PIAS4: variants seen among roughly 807,000 people sequenced by gnomAD.
PIAS4 encodes E3 SUMO-protein ligase PIAS4.
In PIAS4, 7 loss-of-function variants were observed where a neutral mutation model predicts 58.0. The observed-to-expected ratio is 0.12, with a 90% confidence interval of 0.07 to 0.23. The LOEUF (loss-of-function observed/expected upper bound fraction) is 0.23. Among genes scored for constraint, PIAS4 ranks in the 10% least tolerant of loss-of-function variants. The pLI, the probability that PIAS4 is intolerant of heterozygous loss-of-function variation, is 1.00. For missense variants in PIAS4, 550 were observed against 709.5 expected, an observed-to-expected ratio of 0.78 and a Z score of 2.55; for synonymous variants, 364 against 312.4, an observed-to-expected ratio of 1.17 and a Z score of -1.74.
intron 2 of PIAS4, among the ~76,000 whole-genome samples, chr19:4,022,938 G>A (rs1259141640): frequency 2.6e-5 from 4 of 151,512 alleles, no homozygotes; most frequent in East Asian, 3.9e-4. Flanking sequence ...TTGGGAGGCC[G>A]AGGTGGGCAG....
chr19:4,039,370 A>T lies in PIAS4; in HGVS notation c.*1495A>T, dbSNP rs1001978975. ...TGTTTTTAAAAAATGCAAATAAAAAAGGTCGAGGTGAAGCCATCCAGGCGT... is the reference window on the plus strand; with the variant it reads ...TGTTTTTAAAAAATGCAAATAAAAATGGTCGAGGTGAAGCCATCCAGGCGT... On this transcript the variant is annotated 3_prime_UTR_variant, in exon 11 of 11. Transcript: ENST00000262971. 4 of 152,250 alleles carry T rather than the reference A, an allele frequency of 2.6e-5. No homozygotes were observed. Among genetic ancestry groups the T allele is most frequent in the African/African-American group, 9.6e-5 (4 of 41,466 alleles). 9.4% of individuals were successfully genotyped at this position (152,250 alleles called of 1,614,324 possible).
Position 4,033,508 on chromosome 19 carries a change from A to G in PIAS4, c.1070A>G (p.Asn357Ser). The G allele has an allele frequency of 6.2e-7, 1 of 1,603,644 alleles. No individual in the cohort carries two copies. Among genetic ancestry groups the G allele is most frequent in the Non-Finnish European group, 8.5e-7 (1 of 1,176,206 alleles). Reference sequence around the variant, plus strand: ...GACGCCGTCTTCTACCTGCAGATGAACGAGAAGAAGCCCACCTGGATGTGC... The same window carrying G: ...GACGCCGTCTTCTACCTGCAGATGAGCGAGAAGAAGCCCACCTGGATGTGC... ...CFDAVFYLQMNEKKPTWMCPV... is the reference protein window; with the variant it reads ...CFDAVFYLQMSEKKPTWMCPV... The change falls in exon 9 of 11, where the codon AAC becomes AGC. Residue 357 changes from asparagine (N) to serine (S), a missense_variant. This residue lies in a region of PIAS4 where 225 missense variants were observed against 345.8 expected (regional missense o/e 0.65). Transcript: ENST00000262971.
At chr19:4,035,779 TAC>T (rs2040269482) in intron 9 of PIAS4, among the ~76,000 whole-genome samples, 1 of 141,772 alleles carries the variant, frequency 7.1e-6, no homozygotes, top group African/African-American at 2.7e-5. Flanking sequence ...CACACATCCA[TAC>T]AGTCCATACC....
At chr19:4,012,011 T>A (rs1210754589) in intron 1 of PIAS4, among the ~76,000 whole-genome samples, 1 of 55,510 alleles carries the variant, frequency 1.8e-5, no homozygotes, top group African/African-American at 7.5e-5. Context: ...TGGAGGTGTG[T>A]GGGGTGTGGA....
chr19:4,033,786 G>A (rs1245864024), intron 9 of PIAS4, among the ~76,000 whole-genome samples: 3 of 152,330 alleles, frequency 2.0e-5, no homozygotes, highest in Non-Finnish European at 4.4e-5. Context: ...GCAGGTGACA[G>A]CCACGTAGCT....
At chr19:4,030,978 C>A (rs1385023060) in intron 7 of PIAS4, among the ~76,000 whole-genome samples, 1 of 152,190 alleles carries the variant, frequency 6.6e-6, no homozygotes, top group South Asian at 2.1e-4. Flanking sequence ...GGTTCTGGGC[C>A]AGCCGGGTTT....
Position 4,037,266 on chromosome 19 carries a change from CAG to C in PIAS4, c.1143-102_1143-101del. ...GGTCGGGGTGGTGAGGCTGCTCTTG[CAG>C]AGAGAAGTGGGGAGTGCCTGGCTGC... On this transcript the variant is annotated intron_variant, in intron 9 of 10. Transcript: ENST00000262971. The surrounding 1 kb of genome is among the most constrained non-coding windows in gnomAD (Gnocchi z 5.8). The C allele has an allele frequency of 7.2e-7, 1 of 1,382,764 alleles. No individual in the cohort carries two copies. Among genetic ancestry groups the C allele is most frequent in the Non-Finnish European group, 9.7e-7 (1 of 1,035,558 alleles). 85.7% of individuals were successfully genotyped at this position (1,382,764 alleles called of 1,614,324 possible). A position where few individuals can be genotyped will look rare whatever the true frequency, so the allele number is the denominator to read the frequency against.
chr19:4,012,525 C>T (rs780706721), intron 1 of PIAS4, among the ~76,000 whole-genome samples: 2 of 152,164 alleles, frequency 1.3e-5, no homozygotes, highest in African/African-American at 2.4e-5. Flanking sequence ...ATTATCCTCC[C>T]GACGTAGAGA....
chr19:4,011,384 G>A (rs2144904006), intron 1 of PIAS4, among the ~76,000 whole-genome samples: 1 of 152,362 alleles, frequency 6.6e-6, no homozygotes, highest in East Asian at 1.9e-4. Flanking sequence ...CTGTTGAGGA[G>A]CCTTCCTTCC....
rs1438430517 is a variant in PIAS4 at position 4,028,860 on chromosome 19, C to G, written c.801+12C>G. 3.1e-6 allele frequency: 5 copies of G among 1,613,240 alleles called. No individual in the cohort carries two copies. In the Admixed American group the frequency reaches 8.3e-5, roughly 27 times the overall value. On this transcript the variant is annotated intron_variant, in intron 6 of 10. Coordinates refer to ENST00000262971, the MANE Select transcript of PIAS4 (RefSeq NM_015897.4). ...GGAACTACGGCAAGGTGAGTGCGTG[C>G]CCGGGTGCCCACCCTGCCCCCCAAC...
chr19:4,025,856 G>A (rs947879035), intron 3 of PIAS4, among the ~76,000 whole-genome samples: 6 of 151,926 alleles, frequency 3.9e-5, no homozygotes, highest in Admixed American at 1.3e-4. Flanking sequence ...GGTGGATCAC[G>A]AGGTCAGAAG....
intron 7 of PIAS4, among the ~76,000 whole-genome samples, chr19:4,030,673 CA>C (rs2040214832): frequency 6.6e-6 from 1 of 152,026 alleles, no homozygotes; most frequent in African/African-American, 2.4e-5. Flanking sequence ...TCACCCCAAG[CA>C]GCCACGCAGC....
intron 2 of PIAS4, among the ~76,000 whole-genome samples, chr19:4,023,100 A>T (rs547331804): frequency 6.8e-6 from 1 of 147,242 alleles, no homozygotes; most frequent in Non-Finnish European, 1.5e-5. Flanking sequence ...TGAACCCAGG[A>T]GGTGGAGGTT....
chr19:4,014,567 A>G (rs1472355874), intron 2 of PIAS4, among the ~76,000 whole-genome samples: 9 of 151,146 alleles, frequency 6.0e-5, no homozygotes. Flanking sequence ...CCCTGCCCCC[A>G]CTCTTTCCTT....
rs754645720 is a variant in PIAS4 at position 4,013,175 on chromosome 19, G to A, written c.280G>A (p.Gly94Ser). Residue 94 changes from glycine (G) to serine (S), a missense_variant, in exon 2 of 11, where the codon GGC becomes AGC. Gly to Ser is a moderately conservative substitution (Grantham distance 56). Transcript: ENST00000262971. This position sits in a 1 kb window ranked among gnomAD's most constrained non-coding sequence, Gnocchi z 5.1. ...CATGCACTCCACCTACGACCGGGCC[G>A]GCGCTGTGCCCAGGACTCCGCTGGC... ...LTMHSTYDRA[G>S]AVPRTPLAGP... is the part of the protein sequence containing the mutation. 14 of 1,613,418 alleles carry A rather than the reference G, an allele frequency of 8.7e-6. No individual in the cohort carries two copies. The highest frequency in any genetic ancestry group is 1.3e-5 in the African/African-American group (1 of 75,020).
At chr19:4,031,767 T>C (rs945151218) in intron 7 of PIAS4, among the ~76,000 whole-genome samples, 1 of 152,234 alleles carries the variant, frequency 6.6e-6, no homozygotes, top group African/African-American at 2.4e-5. Flanking sequence ...TCTTTCTTGC[T>C]GCACCTAGGA....
intron 2 of PIAS4, among the ~76,000 whole-genome samples, chr19:4,019,599 C>T (rs985211388): frequency 2.0e-5 from 3 of 152,226 alleles, no homozygotes; most frequent in Non-Finnish European, 4.4e-5. Context: ...CCCGTGCAGC[C>T]TCCCTGCCCC....
Position 4,013,413 on chromosome 19 carries a change from G to A in PIAS4, c.454+64G>A. 1 of 1,436,544 alleles carries A rather than the reference G, an allele frequency of 7.0e-7. No individual in the cohort carries two copies. The highest frequency in any genetic ancestry group is 9.6e-7 in the Non-Finnish European group (1 of 1,044,890). 89.0% of individuals were successfully genotyped at this position (1,436,544 alleles called of 1,614,324 possible). ...CACCTAGGCCCCGTCGCCCAGCCCAGCCCAGCCACACAGCCGACTTCGAGT... is the reference window on the plus strand; with the variant it reads ...CACCTAGGCCCCGTCGCCCAGCCCAACCCAGCCACACAGCCGACTTCGAGT... On this transcript the variant is annotated intron_variant, in intron 2 of 10. Coordinates refer to ENST00000262971, the MANE Select transcript of PIAS4 (RefSeq NM_015897.4). This position sits in a 1 kb window ranked among gnomAD's most constrained non-coding sequence, Gnocchi z 5.1.
chr19:4,034,888 T>C (rs1032568686), intron 9 of PIAS4, among the ~76,000 whole-genome samples: 2 of 152,180 alleles, frequency 1.3e-5, no homozygotes, highest in Admixed American at 6.5e-5. Flanking sequence ...GGCTCTGAGC[T>C]GGGTGACCCC....
Sources: gnomAD v4.1 joint callset for allele counts (sites outside exome capture counted in the v4.1 genomes callset) on GRCh38, gnomAD v4.1.1 for gene constraint, gnomAD v4.1.1 regional missense constraint, Gnocchi (gnomAD v3.1) non-coding constraint, MANE v1.5 for transcripts, NCBI Gene and HGNC (gene_info 2026-07-23, HGNC 2026-07-21) for gene names.